The following PPARGC1A variants were observed in gnomAD, a reference collection of about 807,000 sequenced individuals.
PPARGC1A encodes the protein PPARG coactivator 1 alpha, also known as peroxisome proliferator-activated receptor gamma coactivator 1-alpha.
A neutral mutation model predicts 88.7 loss-of-function variants in PPARGC1A; 25 were observed. The observed-to-expected ratio is 0.28, with a 90% CI of 0.21 to 0.39. The LOEUF (loss-of-function observed/expected upper bound fraction) is 0.39. Among genes scored for constraint, PPARGC1A ranks in the 10% least tolerant of loss-of-function variants. The probability of loss-of-function intolerance (pLI) is 1.00; values close to 1 mark genes in which losing one functional copy is unlikely to be tolerated. For synonymous variants in PPARGC1A, 363 were observed against 355.6 expected, an observed-to-expected ratio of 1.02 and a Z score of -0.24; for missense variants, 880 against 968.7, an observed-to-expected ratio of 0.91 and a Z score of 1.22.
At chr4:24,224,715 A>T in the PPARGC1A span, among the ~76,000 whole-genome samples, 10 of 152,224 alleles carry the variant, frequency 6.6e-5, no homozygotes, top group Non-Finnish European at 1.3e-4. Context: ...GACTGATCAT[A>T]ATAAGCAAAT....
chr4:24,194,639 C>CAT, the PPARGC1A span, among the ~76,000 whole-genome samples: 15,464 of 45,102 alleles, frequency 0.34, 1,307 homozygotes, highest in African/African-American at 0.4. Context: ...CGCACACACA[C>CAT]ACACACACAC....
the PPARGC1A span, among the ~76,000 whole-genome samples, chr4:24,185,264 C>G: frequency 6.6e-6 from 1 of 152,178 alleles, no homozygotes; most frequent in Non-Finnish European, 1.5e-5. Context: ...AAACCTCAAC[C>G]TGTCACAATG....
At chr4:23,799,715 C>G (rs1380538673) in intron 12 of PPARGC1A, among the ~76,000 whole-genome samples, 1 of 152,162 alleles carries the variant, frequency 6.6e-6, no homozygotes, top group Non-Finnish European at 1.5e-5. Flanking sequence ...AGAGAGGAAG[C>G]ATCCTTCTTA....
the PPARGC1A span, among the ~76,000 whole-genome samples, chr4:24,059,454 C>T: frequency 6.6e-6 from 1 of 152,176 alleles, no homozygotes; most frequent in Non-Finnish European, 1.5e-5. Flanking sequence ...AAACATTCCT[C>T]TAAAGAAGTG....
At position 23,813,083 on chromosome 4, in the gene PPARGC1A, C is replaced by G. The variant is rs369563669; in HGVS notation, c.1836G>C (p.Thr612=). The change falls in exon 9 of 13, where the codon ACG becomes ACC. Residue 612 remains threonine, a synonymous_variant. Coordinates refer to ENST00000264867, the MANE Select transcript of PPARGC1A (RefSeq NM_013261.5). The stretch of plus-strand genomic sequence containing the variant: ...TCACATACAAGGGAGAATTTCGGTG[C>G]GTGCGGTGTCTGTAGTGGCTTGACT... ...YYESSHYRHR[T]HRNSPLYVRS... is the part of the protein sequence containing the mutation. The G allele has an allele frequency of 3.1e-6, 5 of 1,613,920 alleles. No individual in the cohort carries two copies. The East Asian group carries it at 8.9e-5, about 29-fold the overall frequency.
the PPARGC1A span, among the ~76,000 whole-genome samples, chr4:24,225,101 C>A: frequency 6.6e-6 from 1 of 152,020 alleles, no homozygotes; most frequent in Non-Finnish European, 1.5e-5. Context: ...ATATGGGGAG[C>A]CCCTGAAGGG....
chr4:24,084,003 C>G, the PPARGC1A span, among the ~76,000 whole-genome samples: 2 of 152,176 alleles, frequency 1.3e-5, no homozygotes, highest in African/African-American at 4.8e-5. Flanking sequence ...CCAAGTTTGC[C>G]CATGAGGGAG....
chr4:24,239,195 A>G, the PPARGC1A span, among the ~76,000 whole-genome samples: 2 of 152,170 alleles, frequency 1.3e-5, no homozygotes, highest in Non-Finnish European at 1.5e-5. Context: ...AGCATCTACT[A>G]TGGATCAGGT....
At chr4:24,223,255 T>TA in the PPARGC1A span, among the ~76,000 whole-genome samples, 1 of 148,808 alleles carries the variant, frequency 6.7e-6, no homozygotes, top group Non-Finnish European at 1.5e-5. Context: ...TGTGGATTTT[T>TA]TTTTTTTTTT....
At chr4:24,317,099 T>C in the PPARGC1A span, among the ~76,000 whole-genome samples, 2 of 152,152 alleles carry the variant, frequency 1.3e-5, no homozygotes, top group African/African-American at 4.8e-5. Flanking sequence ...ATTATACAGA[T>C]GAGGAAGATG....
At chr4:24,019,340 T>C in the PPARGC1A span, among the ~76,000 whole-genome samples, 1 of 151,810 alleles carries the variant, frequency 6.6e-6, no homozygotes, top group African/African-American at 2.4e-5. Flanking sequence ...CTTTCATACA[T>C]TGTCTCATTT....
chr4:24,031,863 A>G, the PPARGC1A span, among the ~76,000 whole-genome samples: 1 of 152,212 alleles, frequency 6.6e-6, no homozygotes, highest in Non-Finnish European at 1.5e-5. Context: ...GTATCCCAGT[A>G]TTAGAAATGA....
chr4:24,065,797 A>G, the PPARGC1A span, among the ~76,000 whole-genome samples: 1 of 152,158 alleles, frequency 6.6e-6, no homozygotes, highest in South Asian at 2.1e-4. Context: ...TGAAGCTGGT[A>G]AGAGGAACGG....
At chr4:24,018,824 C>T in the PPARGC1A span, among the ~76,000 whole-genome samples, 1 of 151,998 alleles carries the variant, frequency 6.6e-6, no homozygotes, top group Admixed American at 6.6e-5. Flanking sequence ...GGGACCTCAC[C>T]TCATTTTAAA....
intron 2 of PPARGC1A, among the ~76,000 whole-genome samples, chr4:23,876,445 TG>T (rs1158812878): frequency 6.6e-6 from 1 of 152,230 alleles, no homozygotes; most frequent in Non-Finnish European, 1.5e-5. Context: ...ACCAGCATTT[TG>T]CAAATAGCTC....
At chr4:24,381,591 A>G in the PPARGC1A span, among the ~76,000 whole-genome samples, 1 of 152,232 alleles carries the variant, frequency 6.6e-6, no homozygotes, top group Non-Finnish European at 1.5e-5. Context: ...TCATGTTCAC[A>G]AAGTGTTTTG....
chr4:24,100,324 T>G, the PPARGC1A span, among the ~76,000 whole-genome samples: 2 of 152,166 alleles, frequency 1.3e-5, no homozygotes, highest in African/African-American at 2.4e-5. Context: ...GAATGACTGA[T>G]CCACATTATG....
At chr4:23,831,175 T>G (rs551721933) in intron 3 of PPARGC1A, among the ~76,000 whole-genome samples, 2 of 152,190 alleles carry the variant, frequency 1.3e-5, no homozygotes, top group Non-Finnish European at 2.9e-5. Flanking sequence ...CATATGCTCA[T>G]GATATATCTT....
chr4:24,046,198 A>G, the PPARGC1A span, among the ~76,000 whole-genome samples: 4 of 152,198 alleles, frequency 2.6e-5, no homozygotes, highest in African/African-American at 9.6e-5. Context: ...CAGGCTCACT[A>G]AAAGGAGTCA....
Sources: gnomAD v4.1 joint callset for allele counts (sites outside exome capture counted in the v4.1 genomes callset) on GRCh38, gnomAD v4.1.1 for gene constraint, MANE v1.5 for transcripts, NCBI Gene and HGNC (gene_info 2026-07-23, HGNC 2026-07-21) for gene names.